The following FAM169A variants were observed in gnomAD, a reference collection of about 807,000 sequenced individuals.
FAM169A encodes soluble lamin-associated protein of 75 kDa.
In FAM169A, 24 loss-of-function variants were observed where a neutral mutation model predicts 75.7. The ratio of observed to expected loss-of-function variants is 0.32; its 90% CI spans 0.23 to 0.45. The LOEUF is 0.45. FAM169A is among the 20% of genes least tolerant of loss of function. The pLI is 1.00. For synonymous variants in FAM169A, 271 were observed against 271.0 expected, an observed-to-expected ratio of 1.00 and a Z score of 0.00; for missense variants, 673 against 784.0, an observed-to-expected ratio of 0.86 and a Z score of 1.69.
intron 8 of FAM169A, among the ~76,000 whole-genome samples, chr5:74,803,683 A>T (rs1421092183): frequency 6.6e-6 from 1 of 152,198 alleles, no homozygotes; most frequent in African/African-American, 2.4e-5. Context: ...CAGTACCACA[A>T]AACATCAGTT....
chr5:74,802,945 C>T (rs1315739258), intron 8 of FAM169A, among the ~76,000 whole-genome samples: 1 of 152,106 alleles, frequency 6.6e-6, no homozygotes, highest in Non-Finnish European at 1.5e-5. Context: ...ACAATACCAT[C>T]ATCACCTAAA....
chr5:74,851,508 T>A (rs1383183432), intron 1 of FAM169A, among the ~76,000 whole-genome samples: 1 of 152,208 alleles, frequency 6.6e-6, no homozygotes, highest in African/African-American at 2.4e-5. Flanking sequence ...ATATCTATAT[T>A]CTATGAACAG....
chr5:74,859,907 G>A (rs1360070021), intron 1 of FAM169A, among the ~76,000 whole-genome samples: 1 of 152,104 alleles, frequency 6.6e-6, no homozygotes, highest in Non-Finnish European at 1.5e-5. Context: ...TGGGGTGGGT[G>A]TAGAGAGATA....
At position 74,782,024 on chromosome 5, in the gene FAM169A, C is replaced by G; in HGVS notation, c.1465-16G>C. The G allele has an allele frequency of 6.3e-7, 1 of 1,581,962 alleles. No individual in the cohort carries two copies. The highest frequency in any genetic ancestry group is 1.4e-5 in the African/African-American group (1 of 73,616). Reference sequence around the variant, plus strand: ...TACGTGGGGTCTGAAAATTAAAAACCTGGTCAACAAATAAACTTGTACTAC... The same window carrying G: ...TACGTGGGGTCTGAAAATTAAAAACGTGGTCAACAAATAAACTTGTACTAC... On this transcript the variant is annotated splice_polypyrimidine_tract_variant and intron_variant, in intron 12 of 12. Coordinates refer to ENST00000687041, the MANE Select transcript of FAM169A (RefSeq NM_001376049.1).
chr5:74,820,296 T>C (rs1413144838), intron 5 of FAM169A, among the ~76,000 whole-genome samples: 1 of 152,060 alleles, frequency 6.6e-6, no homozygotes, highest in Non-Finnish European at 1.5e-5. Context: ...GCACCCAGCC[T>C]GAATTGTATA....
intron 1 of FAM169A, among the ~76,000 whole-genome samples, chr5:74,846,853 C>G (rs572389081): frequency 1.3e-5 from 2 of 152,270 alleles, no homozygotes; most frequent in African/African-American, 2.4e-5. Context: ...GTGTTAGCCA[C>G]TGTGCGTGGT....
intron 6 of FAM169A, among the ~76,000 whole-genome samples, chr5:74,805,567 G>A (rs1444134037): frequency 1.8e-4 from 18 of 102,226 alleles, no homozygotes; most frequent in Non-Finnish European, 3.0e-4. Context: ...GTCTTGCTAT[G>A]TCGCCCAGGC....
At chr5:74,787,883 TAA>T (rs113652695) in intron 11 of FAM169A, among the ~76,000 whole-genome samples, 2 of 151,480 alleles carry the variant, frequency 1.3e-5, no homozygotes, top group African/African-American at 4.9e-5. Flanking sequence ...TCTGAATTAT[TAA>T]AAAAAAGAGA....
At chr5:74,858,803 C>T (rs960023863) in intron 1 of FAM169A, among the ~76,000 whole-genome samples, 5 of 152,066 alleles carry the variant, frequency 3.3e-5, no homozygotes, top group African/African-American at 9.7e-5. Flanking sequence ...CTATATTTTC[C>T]ACTCATGAGT....
At chr5:74,812,901 A>G (rs939252817) in intron 6 of FAM169A, among the ~76,000 whole-genome samples, 10 of 152,234 alleles carry the variant, frequency 6.6e-5, no homozygotes, top group Non-Finnish European at 1.5e-4. Flanking sequence ...TAACCCTCAT[A>G]TAATATTGCT....
chr5:74,781,450 T>C lies in FAM169A; in HGVS notation c.*10A>G. 2 of 1,605,178 alleles carry C rather than the reference T, an allele frequency of 1.2e-6. No individual in the cohort carries two copies. Among genetic ancestry groups the C allele is most frequent in the Non-Finnish European group, 1.7e-6 (2 of 1,174,854 alleles). Reference sequence around the variant, plus strand: ...AAAGAAGAGGATTTATCATCCACTTTCTTCTTCCTTCAGGTCAGCTTAGCT... The same window carrying C: ...AAAGAAGAGGATTTATCATCCACTTCCTTCTTCCTTCAGGTCAGCTTAGCT... On this transcript the variant is annotated 3_prime_UTR_variant, in exon 13 of 13. Coordinates refer to ENST00000687041, the MANE Select transcript of FAM169A (RefSeq NM_001376049.1).
chr5:74,836,320 CTCTT>C (rs1457072050), intron 4 of FAM169A, among the ~76,000 whole-genome samples: 1 of 148,168 alleles, frequency 6.7e-6, no homozygotes, highest in Non-Finnish European at 1.5e-5. Flanking sequence ...TTAGATCTTT[CTCTT>C]TGTTTTTTAA....
At chr5:74,788,591 G>C (rs1745813533) in intron 11 of FAM169A, among the ~76,000 whole-genome samples, 1 of 152,048 alleles carries the variant, frequency 6.6e-6, no homozygotes, top group Non-Finnish European at 1.5e-5. Context: ...TGTAATCCCA[G>C]CTACTAGGGA....
chr5:74,841,495 G>C (rs770592649), intron 2 of FAM169A, 50 bp downstream of exon 2: 1 of 1,399,144 alleles, frequency 7.1e-7, no homozygotes, highest in South Asian at 1.5e-5. Flanking sequence ...TTTATTTCAT[G>C]TATAAACTGA....
intron 1 of FAM169A, among the ~76,000 whole-genome samples, chr5:74,842,333 A>C (rs574804810): frequency 1.4e-5 from 2 of 142,486 alleles, no homozygotes; most frequent in African/African-American, 5.1e-5. Context: ...AGGCAGGAGA[A>C]TTGCTTGAAC....
At chr5:74,817,038 T>C (rs1033189438) in intron 5 of FAM169A, among the ~76,000 whole-genome samples, 1 of 152,014 alleles carries the variant, frequency 6.6e-6, no homozygotes, top group African/African-American at 2.4e-5. Flanking sequence ...ATGATAAAAA[T>C]ACTCAACTTC....
intron 1 of FAM169A, among the ~76,000 whole-genome samples, chr5:74,857,187 T>C (rs6885093): frequency 0.33 from 49,327 of 150,308 alleles, 10,046 homozygotes; most frequent in African/African-American, 0.58. Flanking sequence ...CAAAGGATCT[T>C]GAAACCATGG....
At chr5:74,862,923 C>A (rs529566348) in intron 1 of FAM169A, among the ~76,000 whole-genome samples, 47 of 149,648 alleles carry the variant, frequency 3.1e-4, no homozygotes, top group Non-Finnish European at 4.9e-4. Flanking sequence ...CTACAACACA[C>A]AACAGACACT....
intron 11 of FAM169A, among the ~76,000 whole-genome samples, chr5:74,787,708 G>A (rs1031965137): frequency 8.5e-5 from 13 of 152,084 alleles, no homozygotes; most frequent in South Asian, 6.2e-4. Flanking sequence ...ATAATGGACC[G>A]CAGCAGAGGC....
Sources: gnomAD v4.1 joint callset for allele counts (sites outside exome capture counted in the v4.1 genomes callset) on GRCh38, gnomAD v4.1.1 for gene constraint, MANE v1.5 for transcripts, NCBI Gene and HGNC (gene_info 2026-07-23, HGNC 2026-07-21) for gene names.